SUSD4: variants seen among roughly 807,000 people sequenced by gnomAD.
SUSD4 encodes sushi domain-containing protein 4.
A neutral mutation model predicts 50.5 loss-of-function variants in SUSD4; 41 were observed. The ratio of observed to expected loss-of-function variants is 0.81; its 90% CI spans 0.63 to 1.05. The LOEUF (loss-of-function observed/expected upper bound fraction) is 1.05. SUSD4 is among the 50% of genes least tolerant of loss of function. The pLI, the probability that SUSD4 is intolerant of heterozygous loss-of-function variation, is 0.00. For missense variants in SUSD4, 580 were observed against 634.7 expected (o/e 0.91, Z 0.93); for synonymous variants, 257 against 257.3 (o/e 1.00, Z 0.01).
rs141427263 is a variant in SUSD4 at position 223,261,415 on chromosome 1, C to A, written c.724+3215G>T. ...ATCCATGCTATAGTCCCAGCTCCCC[C>A]TCTTCCTAGCTGTGACTGAGCAAGT... On this transcript the variant is annotated intron_variant, in intron 5 of 8. Coordinates refer to ENST00000366878, the MANE Select transcript of SUSD4 (RefSeq NM_017982.4). Among the ~76,000 whole-genome samples, 28 of 125,396 alleles carry A rather than the reference C, an allele frequency of 2.2e-4. No homozygotes were observed. The East Asian group carries it at 4.7e-3, about 21-fold the overall frequency. 82.3% of individuals were successfully genotyped at this position (125,396 alleles called of 152,430 possible).
chr1:223,356,247 G>A (rs1212701681), intron 2 of SUSD4, among the ~76,000 whole-genome samples: 1 of 151,578 alleles, frequency 6.6e-6, no homozygotes, highest in Non-Finnish European at 1.5e-5. Flanking sequence ...AGAAATATTG[G>A]GCCAAATTCT....
At chr1:223,329,678 A>C (rs1667067392) in intron 2 of SUSD4, among the ~76,000 whole-genome samples, 1 of 152,246 alleles carries the variant, frequency 6.6e-6, no homozygotes, top group Non-Finnish European at 1.5e-5. Context: ...GATGGACAGA[A>C]CAATGGATGG....
At chr1:223,224,478 A>AAAAAAG (rs1173645790) in intron 7 of SUSD4, among the ~76,000 whole-genome samples, 1 of 152,216 alleles carries the variant, frequency 6.6e-6, no homozygotes, top group Non-Finnish European at 1.5e-5. Context: ...TCTAGATTTA[A>AAAAAAG]AAAAAGAAAA....
At chr1:223,246,609 G>C (rs1057043215) in intron 5 of SUSD4, among the ~76,000 whole-genome samples, 2 of 152,122 alleles carry the variant, frequency 1.3e-5, no homozygotes, top group African/African-American at 4.8e-5. Flanking sequence ...GGAAGGAGGG[G>C]CTGGCCTCTG....
chr1:223,311,623 G>A (rs1257922995), intron 2 of SUSD4, among the ~76,000 whole-genome samples: 1 of 152,208 alleles, frequency 6.6e-6, no homozygotes, highest in Non-Finnish European at 1.5e-5. Flanking sequence ...CATGTAAGAT[G>A]AGTGCAAGAA....
intron 2 of SUSD4, among the ~76,000 whole-genome samples, chr1:223,354,008 G>T (rs1668515259): frequency 6.6e-6 from 1 of 151,708 alleles, no homozygotes; most frequent in Non-Finnish European, 1.5e-5. Context: ...TCCAGCCTGG[G>T]CAACAAGAGT....
At chr1:223,268,759 C>T (rs905653301) in intron 3 of SUSD4, 84 bp from the exon 4 acceptor site, 2 of 1,423,700 alleles carry the variant, frequency 1.4e-6, no homozygotes, top group Non-Finnish European at 1.9e-6. Context: ...CTCTTATTTT[C>T]AGACTTGGTC....
intron 2 of SUSD4, among the ~76,000 whole-genome samples, chr1:223,343,703 C>T (rs1038082589): frequency 6.6e-6 from 1 of 152,094 alleles, no homozygotes; most frequent in Non-Finnish European, 1.5e-5. Context: ...TCCATATTTT[C>T]TAAAAAATTC....
chr1:223,329,189 G>C (rs1374163332), intron 2 of SUSD4, among the ~76,000 whole-genome samples: 2 of 152,130 alleles, frequency 1.3e-5, no homozygotes, highest in East Asian at 1.9e-4. Context: ...GGGAGAATGG[G>C]GGGCTTTGAA....
chr1:223,288,612 T>C (rs1664291630), intron 3 of SUSD4, among the ~76,000 whole-genome samples: 1 of 152,166 alleles, frequency 6.6e-6, no homozygotes, highest in Non-Finnish European at 1.5e-5. Context: ...ATCTGGCTAG[T>C]ATAGCCAATG....
At chr1:223,222,798 C>T (rs1463191675) in intron 8 of SUSD4, among the ~76,000 whole-genome samples, 5 of 152,178 alleles carry the variant, frequency 3.3e-5, no homozygotes, top group African/African-American at 1.2e-4. Context: ...AACTCTGGGG[C>T]TAGAACACAC....
rs941907394 is a variant in SUSD4, at chr1:223,277,011, T to TGA, written c.362-8338_362-8337dup. Among the ~76,000 whole-genome samples, 34 of 152,168 alleles carry TGA rather than the reference T, an allele frequency of 2.2e-4. 1 individual carries two copies. Among genetic ancestry groups the TGA allele is most frequent in the African/African-American group, 7.5e-4 (31 of 41,446 alleles). On this transcript the variant is annotated intron_variant, in intron 3 of 8. Transcript: ENST00000366878. ...CTTAACATATAAGTAACTGGAAACA[T>TGA]GAGTATGACCACCCCGCTTTTGAAA...
At position 223,337,838 on chromosome 1, in the gene SUSD4, G is replaced by A. The variant is rs552039576; in HGVS notation, c.148+25440C>T. On this transcript the variant is annotated intron_variant, in intron 2 of 8. Transcript: ENST00000366878. The stretch of plus-strand genomic sequence containing the variant: ...GGGAGGCTTAGAGGGAGAAAATGAG[G>A]CCAAAGCACACCAAACCCCTTAAGA... Among the ~76,000 whole-genome samples the A allele has an allele frequency of 5.9e-5, 9 of 152,258 alleles. No homozygotes were observed. In the South Asian group the frequency reaches 1.9e-3, roughly 32 times the overall value.
intron 5 of SUSD4, among the ~76,000 whole-genome samples, chr1:223,251,071 T>C (rs1485019007): frequency 6.6e-6 from 1 of 152,228 alleles, no homozygotes; most frequent in Non-Finnish European, 1.5e-5. Context: ...ACTGCAGATG[T>C]AATTAAATTG....
intron 2 of SUSD4, among the ~76,000 whole-genome samples, chr1:223,340,966 C>T (rs1037229435): frequency 1.3e-5 from 2 of 152,104 alleles, no homozygotes; most frequent in African/African-American, 2.4e-5. Flanking sequence ...TGTTAGGTGC[C>T]GATTGTTCTA....
At chr1:223,314,587 T>C (rs530692053) in intron 2 of SUSD4, among the ~76,000 whole-genome samples, 27 of 152,174 alleles carry the variant, frequency 1.8e-4, no homozygotes, top group Middle Eastern at 3.4e-3. Flanking sequence ...TCCCACATGT[T>C]ATGGGAGGGA....
At chr1:223,314,514 C>T (rs1344864446) in intron 2 of SUSD4, among the ~76,000 whole-genome samples, 10 of 152,090 alleles carry the variant, frequency 6.6e-5, no homozygotes, top group Non-Finnish European at 1.3e-4. Flanking sequence ...GCTGAAAAGG[C>T]TCCATGATAG....
At chr1:223,252,208 T>TA (rs1251399115) in intron 5 of SUSD4, among the ~76,000 whole-genome samples, 1 of 98,532 alleles carries the variant, frequency 1.0e-5, no homozygotes, top group East Asian at 3.3e-4. Context: ...CCCTAGAACT[T>TA]AAAGTATAAT....
intron 4 of SUSD4, among the ~76,000 whole-genome samples, chr1:223,265,863 A>C (rs1435063416): frequency 1.3e-5 from 2 of 152,234 alleles, no homozygotes; most frequent in Non-Finnish European, 2.9e-5. Context: ...GAAGTAAATA[A>C]TGTATAATGA....
Sources: gnomAD v4.1 joint callset for allele counts (sites outside exome capture counted in the v4.1 genomes callset) on GRCh38, gnomAD v4.1.1 for gene constraint, MANE v1.5 for transcripts, NCBI Gene and HGNC (gene_info 2026-07-23, HGNC 2026-07-21) for gene names.